Variants in PDGFRA observed in about 807,000 individuals in gnomAD.
PDGFRA encodes platelet-derived growth factor receptor alpha.
A neutral mutation model predicts 121.5 loss-of-function variants in PDGFRA; 25 were observed. The ratio of observed to expected loss-of-function variants is 0.21; its 90% confidence interval spans 0.15 to 0.29. The LOEUF (loss-of-function observed/expected upper bound fraction) is 0.29, where lower values mean the gene tolerates loss of function less well. PDGFRA is among the 10% of genes least tolerant of loss of function. The pLI is 1.00. For missense variants in PDGFRA, 1,008 were observed against 1,345.1 expected (o/e 0.75, Z 3.92); for synonymous variants, 463 against 494.8 (o/e 0.94, Z 0.85).
Position 54,267,729 on chromosome 4 carries a change from T to G in PDGFRA, c.1109T>G (p.Ile370Ser). ...LTEITTDVEK[I>S]QEIRYRSKLK... is the part of the protein sequence containing the mutation. ...GAGATCACCACTGATGTGGAAAAGA[T>G]TCAGGAAATAAGGTAAAGAAACTCT... The change falls in exon 7 of 23, where the codon ATT becomes AGT. Residue 370 changes from isoleucine (I) to serine (S), a missense_variant. Coordinates refer to ENST00000257290, the MANE Select transcript of PDGFRA (RefSeq NM_006206.6). The G allele has an allele frequency of 6.2e-7, 1 of 1,613,820 alleles. No homozygotes were observed. Among genetic ancestry groups the G allele is most frequent in the South Asian group, 1.1e-5 (1 of 91,076 alleles).
intron 4 of PDGFRA, 139 bp downstream of exon 4, chr4:54,264,066 A>G (rs947946741): frequency 6.6e-5 from 48 of 726,006 alleles, no homozygotes; most frequent in Non-Finnish European, 9.9e-5. Flanking sequence ...ACCCCAGCTA[A>G]TACAATGTCT....
At chr4:54,265,635 G>T (rs748768404) in intron 5 of PDGFRA, among the ~76,000 whole-genome samples, 4 of 152,182 alleles carry the variant, frequency 2.6e-5, no homozygotes, top group Non-Finnish European at 2.9e-5. Flanking sequence ...CCAGAAGCTG[G>T]TTCAGTATTG....
chr4:54,265,311 A>G (rs542256237), intron 5 of PDGFRA: 30 of 429,046 alleles, frequency 7.0e-5, no homozygotes, highest in Non-Finnish European at 1.2e-4. Flanking sequence ...GAAGTCAGAC[A>G]GAAATAGGAA....
chr4:54,255,049 G>C (rs1722283653), intron 1 of PDGFRA, among the ~76,000 whole-genome samples: 1 of 152,184 alleles, frequency 6.6e-6, no homozygotes, highest in Non-Finnish European at 1.5e-5. Context: ...TGGTGAAGTG[G>C]AGAGGGCACA....
rs1260309890 is a variant in PDGFRA at position 54,295,531 on chromosome 4, T to G, written c.*259T>G. 13 of 511,820 alleles carry G rather than the reference T, an allele frequency of 2.5e-5. No homozygotes were observed. The Admixed American group carries it at 3.9e-4, about 15-fold the overall frequency. The allele number at this position is 511,820 out of a possible 1,614,324, so 31.7% of individuals were successfully genotyped here. A position where few individuals can be genotyped will look rare whatever the true frequency, so the allele number is the denominator to read the frequency against. ...GTTTGGAGATAGATGGATAAGGGAA[T>G]AATAGGCCACAGAAGGTGAACTTTG... On this transcript the variant is annotated 3_prime_UTR_variant, in exon 23 of 23. Transcript: ENST00000257290.
At position 54,250,413 on chromosome 4, in the gene PDGFRA, A is replaced by G. The variant is rs138590220; in HGVS notation, c.-12-8344A>G. 2.0e-5 allele frequency among the ~76,000 whole-genome samples: 3 copies of G among 152,364 alleles called. No individual in the cohort carries two copies. The East Asian group carries it at 5.8e-4, about 29-fold the overall frequency. Reference sequence around the variant, plus strand: ...AGTCCAAAAGTGACATATTTGGCTTATTAGATATATTAAAATCATACAGGA... The same window carrying G: ...AGTCCAAAAGTGACATATTTGGCTTGTTAGATATATTAAAATCATACAGGA... On this transcript the variant is annotated intron_variant, in intron 1 of 22. Transcript: ENST00000257290.
At position 54,277,370 on chromosome 4, in the gene PDGFRA, G is replaced by A. The variant is rs367584034; in HGVS notation, c.1787-18G>A. The A allele has an allele frequency of 6.3e-7, 1 of 1,591,264 alleles. No homozygotes were observed. The highest frequency in any genetic ancestry group is 1.3e-5 in the African/African-American group (1 of 74,208). On this transcript the variant is annotated intron_variant, in intron 12 of 22. Transcript: ENST00000257290. ...GCGTCTGGAGTTTTTGGGTGTTAAT[G>A]ATTCTGCCTGCCCACAGGTCGGGTC... is the stretch of plus-strand genomic sequence containing the variant.
intron 1 of PDGFRA, among the ~76,000 whole-genome samples, chr4:54,231,368 G>C (rs543280404): frequency 6.6e-6 from 1 of 152,298 alleles, no homozygotes; most frequent in Admixed American, 6.5e-5. Flanking sequence ...CTCCTGACAA[G>C]AACTAGACAG....
Position 54,297,790 on chromosome 4 carries a change from C to T in PDGFRA, c.*2518C>T, listed in dbSNP as rs904966691. The stretch of plus-strand genomic sequence containing the variant: ...ACAATCAAAGCCGGCCTGAGAAACA[C>T]TATTTGTGACTTTTTAAACGATTAG... On this transcript the variant is annotated 3_prime_UTR_variant, in exon 23 of 23. Coordinates refer to ENST00000257290, the MANE Select transcript of PDGFRA (RefSeq NM_006206.6). 8 of 233,464 alleles carry T rather than the reference C, an allele frequency of 3.4e-5. No homozygotes were observed. The highest frequency in any genetic ancestry group is 5.9e-5 in the Non-Finnish European group (7 of 118,044). 14.5% of individuals were successfully genotyped at this position (233,464 alleles called of 1,614,324 possible). A position where few individuals can be genotyped will look rare whatever the true frequency, so the allele number is the denominator to read the frequency against.
chr4:54,234,498 G>T (rs1388396866), intron 1 of PDGFRA, among the ~76,000 whole-genome samples: 2 of 152,128 alleles, frequency 1.3e-5, no homozygotes, highest in African/African-American at 4.8e-5. Flanking sequence ...CCATTAGGAA[G>T]GTGCTTTATT....
chr4:54,280,521 C>T (rs2110325543), intron 16 of PDGFRA, 39 bp downstream of exon 16: 11 of 1,522,436 alleles, frequency 7.2e-6, no homozygotes, highest in Non-Finnish European at 1.0e-5. Flanking sequence ...TTGGGACTTT[C>T]CAGTGGTTTA....
chr4:54,278,101 C>T (rs1453146812), intron 14 of PDGFRA, 95 bp downstream of exon 14: 4 of 809,992 alleles, frequency 4.9e-6, no homozygotes, highest in Non-Finnish European at 8.6e-6. Context: ...TCCATCCCCA[C>T]ACATGGCAGG....
intron 8 of PDGFRA, among the ~76,000 whole-genome samples, chr4:54,271,531 A>T (rs924605908): frequency 6.6e-5 from 10 of 151,572 alleles, no homozygotes; most frequent in African/African-American, 2.2e-4. Context: ...TAACCAAGGG[A>T]CTTTCTCTCT....
Position 54,280,565 on chromosome 4 carries a change from T to C in PDGFRA, c.2323+83T>C, listed in dbSNP as rs563408577. On this transcript the variant is annotated intron_variant, in intron 16 of 22. Transcript: ENST00000257290. ...CTTAAAGTATTTAGAGGGAAGTGTATAGGGATGGTAAGTGAACCTGGCAGC... is the reference window on the plus strand; with the variant it reads ...CTTAAAGTATTTAGAGGGAAGTGTACAGGGATGGTAAGTGAACCTGGCAGC... The C allele has an allele frequency of 1.7e-5, 20 of 1,168,776 alleles. No homozygotes were observed. The East Asian group carries it at 4.9e-4, about 29-fold the overall frequency. 72.4% of individuals were successfully genotyped at this position (1,168,776 alleles called of 1,614,324 possible).
chr4:54,245,938 A>G (rs1275534794), intron 1 of PDGFRA, among the ~76,000 whole-genome samples: 1 of 152,100 alleles, frequency 6.6e-6, no homozygotes, highest in Non-Finnish European at 1.5e-5. Context: ...AACAGACTTT[A>G]AACCAACAAA....
chr4:54,288,757 T>G, intron 19 of PDGFRA, 42 bp from the exon 20 acceptor site: 10 of 1,075,410 alleles, frequency 9.3e-6, no homozygotes, highest in Non-Finnish European at 1.5e-5. Context: ...AGCAATGCAC[T>G]GAGCGTTTGT....
In PDGFRA at chr4:54,267,427, A is replaced by G. The variant is rs996658686; in HGVS notation, c.898A>G (p.Lys300Glu). Residue 300 changes from lysine (K) to glutamate (E), a missense_variant, in exon 6 of 23, where the codon AAA becomes GAA. By Grantham distance (56) the Lys-to-Glu change is moderately conservative. Around this residue, in one of 5 missense-constraint regions of PDGFRA, gnomAD observed 575 missense variants for 701.8 expected, o/e 0.82. Transcript: ENST00000257290. ...TGCCCGCCAGGCTACCAGGGAGGTC[A>G]AAGAAATGAAGAAAGTCACTATTTC... is the stretch of plus-strand genomic sequence containing the variant. ...CAARQATREV[K>E]EMKKVTISVH... The G allele has an allele frequency of 3.7e-6, 6 of 1,614,238 alleles. No individual in the cohort carries two copies. Among genetic ancestry groups the G allele is most frequent in the Non-Finnish European group, 4.2e-6 (5 of 1,180,034 alleles).
rs756053360 is a variant in PDGFRA at position 54,273,496 on chromosome 4, C to T, written c.1365-41C>T. The T allele has an allele frequency of 2.0e-6, 3 of 1,534,724 alleles. No individual in the cohort carries two copies. The South Asian group carries it at 3.4e-5, about 17-fold the overall frequency. On this transcript the variant is annotated intron_variant, in intron 9 of 22. Transcript: ENST00000257290. ...CGTGGCTCCACTCATTGCCATGACT[C>T]TCAGGAATTGGCCCTATACTTAGGC... is the stretch of plus-strand genomic sequence containing the variant.
In PDGFRA at chr4:54,251,872, C is replaced by T. The variant is rs571014980; in HGVS notation, c.-12-6885C>T. On this transcript the variant is annotated intron_variant, in intron 1 of 22. Coordinates refer to ENST00000257290, the MANE Select transcript of PDGFRA (RefSeq NM_006206.6). Reference sequence around the variant, plus strand: ...CCATCGAAACCAATTTTAACAAGAGCCTATGTGGCAAATAATTATTTTTGC... The same window carrying T: ...CCATCGAAACCAATTTTAACAAGAGTCTATGTGGCAAATAATTATTTTTGC... Among the ~76,000 whole-genome samples the T allele has an allele frequency of 1.1e-4, 16 of 152,266 alleles. No individual in the cohort carries two copies. The South Asian group carries it at 3.1e-3, about 30-fold the overall frequency.
Sources: gnomAD v4.1 joint callset for allele counts (sites outside exome capture counted in the v4.1 genomes callset) on GRCh38, gnomAD v4.1.1 for gene constraint, gnomAD v4.1.1 regional missense constraint, MANE v1.5 for transcripts, NCBI Gene and HGNC (gene_info 2026-07-23, HGNC 2026-07-21) for gene names.